The following DDX46 variants were observed in gnomAD, a reference collection of about 807,000 sequenced individuals.
DDX46 encodes the protein DEAD-box helicase 46.
In DDX46, 30 loss-of-function variants were observed where a neutral mutation model predicts 134.9. The ratio of observed to expected loss-of-function variants is 0.22; its 90% CI spans 0.17 to 0.30. DDX46 has a LOEUF of 0.30. DDX46 is among the 10% of genes least tolerant of loss of function. DDX46 has a pLI of 1.00. For synonymous variants in DDX46, 415 were observed against 404.1 expected, an observed-to-expected ratio of 1.03 and a Z score of -0.32; for missense variants, 622 against 1,248.7, an observed-to-expected ratio of 0.50 and a Z score of 7.56.
intron 15 of DDX46, among the ~76,000 whole-genome samples, chr5:134,806,248 G>A (rs922399600): frequency 3.3e-5 from 5 of 151,716 alleles, no homozygotes; most frequent in South Asian, 2.1e-4. Flanking sequence ...AAAACAGAAA[G>A]TTTGAGAAGG....
chr5:134,785,097 G>C (rs1754290234), intron 10 of DDX46, among the ~76,000 whole-genome samples: 1 of 152,172 alleles, frequency 6.6e-6, no homozygotes, highest in South Asian at 2.1e-4. Flanking sequence ...GTGCCCCTCA[G>C]ACCAAGGTTG....
chr5:134,823,721 T>C (rs1340889492), intron 21 of DDX46, among the ~76,000 whole-genome samples: 1 of 152,196 alleles, frequency 6.6e-6, no homozygotes, highest in Non-Finnish European at 1.5e-5. Context: ...GAAATGGGGA[T>C]TGCTGACCCC....
chr5:134,806,058 C>A (rs570444644), intron 15 of DDX46, among the ~76,000 whole-genome samples: 1 of 151,986 alleles, frequency 6.6e-6, no homozygotes, highest in South Asian at 2.1e-4. Flanking sequence ...ACTAAAGATA[C>A]AAAAATTAGC....
chr5:134,788,169 G>T (rs1217877109), intron 11 of DDX46, among the ~76,000 whole-genome samples: 1 of 152,026 alleles, frequency 6.6e-6, no homozygotes, highest in Non-Finnish European at 1.5e-5. Context: ...CTCTTGCTCA[G>T]GCTGGAGTGC....
At chr5:134,780,440 T>A (rs1443862027) in intron 6 of DDX46, among the ~76,000 whole-genome samples, 1 of 149,930 alleles carries the variant, frequency 6.7e-6, no homozygotes, top group African/African-American at 2.4e-5. Context: ...GGCGGGTGCC[T>A]GTAATCCCAG....
intron 1 of DDX46, 93 bp from the exon 2 acceptor site, chr5:134,763,811 T>C: frequency 7.1e-7 from 1 of 1,402,046 alleles, no homozygotes. Context: ...AGTGTTAAAT[T>C]TGTCTGCTGA....
chr5:134,811,986 G>T (rs1755158118), intron 18 of DDX46, 141 bp downstream of exon 18: 3 of 880,068 alleles, frequency 3.4e-6, no homozygotes, highest in East Asian at 2.9e-5. Context: ...TGGAAAATCT[G>T]CCTACTACAT....
intron 13 of DDX46, among the ~76,000 whole-genome samples, chr5:134,791,317 A>G (rs1407084711): frequency 2.6e-5 from 4 of 152,214 alleles, no homozygotes; most frequent in African/African-American, 9.6e-5. Context: ...ACACATTTAT[A>G]GGAACACATT....
chr5:134,816,114 C>G lies in DDX46; in HGVS notation c.2437-316C>G, dbSNP rs554993064. Among the ~76,000 whole-genome samples, 10 of 152,164 alleles carry G rather than the reference C, an allele frequency of 6.6e-5. No homozygotes were observed. The South Asian group carries it at 2.1e-3, about 31-fold the overall frequency. On this transcript the variant is annotated intron_variant, in intron 18 of 22. Transcript: ENST00000452510. ...CCTATTGGCTATTCTGTCTTGAAAG[C>G]ACATGTTTCCTCATTTATTGAACAG...
intron 5 of DDX46, among the ~76,000 whole-genome samples, chr5:134,774,388 TTTG>T (rs1753869132): frequency 1.3e-5 from 2 of 152,194 alleles, no homozygotes; most frequent in Non-Finnish European, 1.5e-5. Flanking sequence ...TTTCCACCCT[TTTG>T]TTATCGTGAG....
chr5:134,776,724 G>A (rs1169725556), intron 5 of DDX46, among the ~76,000 whole-genome samples: 2 of 151,966 alleles, frequency 1.3e-5, no homozygotes, highest in Admixed American at 6.6e-5. Flanking sequence ...AGACCAGCCT[G>A]ACAAACATGG....
chr5:134,760,000 T>C (rs1476981281), intron 1 of DDX46, among the ~76,000 whole-genome samples: 1 of 152,202 alleles, frequency 6.6e-6, no homozygotes, highest in Non-Finnish European at 1.5e-5. Context: ...CCTGACTTAA[T>C]TGAGGCCCTA....
rs1179574897 is a variant in DDX46, at chr5:134,811,235, T to G, written c.2163T>G (p.Thr721=). 2 of 1,614,036 alleles carry G rather than the reference T, an allele frequency of 1.2e-6. No individual in the cohort carries two copies. Among genetic ancestry groups the G allele is most frequent in the Admixed American group, 3.3e-5 (2 of 60,018 alleles). Residue 721 remains threonine (T), a synonymous_variant, in exon 17 of 23, where the codon ACT becomes ACG. Transcript: ENST00000452510. Reference sequence around the variant, plus strand: ...TCATGCATTAGGGTTATGCTTATACTTTTATCACAGAGGATCAAGCTCGCT... The same window carrying G: ...TCATGCATTAGGGTTATGCTTATACGTTTATCACAGAGGATCAAGCTCGCT... The part of the protein sequence containing the change: ...GRAGNKGYAY[T]FITEDQARYA...
At chr5:134,781,445 A>G (rs1754151066) in intron 7 of DDX46, among the ~76,000 whole-genome samples, 199 bp downstream of exon 7, 1 of 152,138 alleles carries the variant, frequency 6.6e-6, no homozygotes, top group Non-Finnish European at 1.5e-5. Flanking sequence ...CTTCATTCCT[A>G]ACTGTATGAT....
At chr5:134,820,732 A>C (rs1755419581) in intron 21 of DDX46, among the ~76,000 whole-genome samples, 1 of 152,226 alleles carries the variant, frequency 6.6e-6, no homozygotes, top group Non-Finnish European at 1.5e-5. Flanking sequence ...AGTCCTCAGT[A>C]CCTTCGTGAA....
intron 5 of DDX46, among the ~76,000 whole-genome samples, chr5:134,776,680 G>A (rs1753946733): frequency 1.3e-5 from 2 of 152,114 alleles, no homozygotes; most frequent in South Asian, 2.1e-4. Context: ...ACTTTGGGAG[G>A]CTGAGGTGGG....
intron 13 of DDX46, 21 bp from the exon 14 acceptor site, chr5:134,794,829 G>T: frequency 1.2e-6 from 2 of 1,612,126 alleles, no homozygotes; most frequent in Non-Finnish European, 1.7e-6. Context: ...ATATTTATTT[G>T]TAATGTTTTC....
intron 15 of DDX46, among the ~76,000 whole-genome samples, chr5:134,807,169 G>A (rs1462779576): frequency 1.5e-4 from 22 of 142,124 alleles, no homozygotes; most frequent in Non-Finnish European, 2.9e-4. Flanking sequence ...GTGCCACCAC[G>A]CCTGGCTTTT....
At chr5:134,778,193 A>AT in intron 6 of DDX46, among the ~76,000 whole-genome samples, 3 of 151,534 alleles carry the variant, frequency 2.0e-5, no homozygotes, top group African/African-American at 7.3e-5. Flanking sequence ...TAATTTTTGT[A>AT]TTTTGGTAGA....
Sources: gnomAD v4.1 joint callset for allele counts (sites outside exome capture counted in the v4.1 genomes callset) on GRCh38, gnomAD v4.1.1 for gene constraint, MANE v1.5 for transcripts, NCBI Gene and HGNC (gene_info 2026-07-23, HGNC 2026-07-21) for gene names.